The following AK4 variants were observed in gnomAD, a reference collection of about 807,000 sequenced individuals.
The protein encoded by AK4 is adenylate kinase 4, mitochondrial.
A neutral mutation model predicts 24.6 loss-of-function variants in AK4; 13 were observed. The ratio of observed to expected loss-of-function variants is 0.53; its 90% CI spans 0.34 to 0.84. The LOEUF (loss-of-function observed/expected upper bound fraction) is 0.84, where lower values mean the gene tolerates loss of function less well. Among genes scored for constraint, AK4 ranks in the 40% least tolerant of loss-of-function variants. The probability of loss-of-function intolerance (pLI) is 0.01; values close to 1 mark genes in which losing one functional copy is unlikely to be tolerated. For missense variants in AK4, 192 were observed against 288.2 expected, an observed-to-expected ratio of 0.67 and a Z score of 2.42; for synonymous variants, 88 against 107.0, an observed-to-expected ratio of 0.82 and a Z score of 1.10.
intron 1 of AK4, among the ~76,000 whole-genome samples, chr1:65,186,442 T>C (rs779998435): frequency 2.4e-4 from 36 of 152,156 alleles, no homozygotes; most frequent in Non-Finnish European, 3.5e-4. Context: ...CAACACATTT[T>C]TATGGGTCAT....
chr1:65,169,968 C>T (rs1264931162), intron 1 of AK4, among the ~76,000 whole-genome samples: 1 of 152,064 alleles, frequency 6.6e-6, no homozygotes, highest in Non-Finnish European at 1.5e-5. Flanking sequence ...TTAGTGATTA[C>T]TCTAGGGTTA....
intron 1 of AK4, among the ~76,000 whole-genome samples, chr1:65,180,451 A>G (rs1269898528): frequency 6.6e-6 from 1 of 152,222 alleles, no homozygotes; most frequent in Non-Finnish European, 1.5e-5. Flanking sequence ...ACAAATACCA[A>G]TTGAAAGGTG....
intron 1 of AK4, among the ~76,000 whole-genome samples, chr1:65,152,360 C>CTCTA (rs1277948363): frequency 1.7e-3 from 48 of 27,954 alleles, no homozygotes; most frequent in Non-Finnish European, 2.1e-3. Context: ...CTCTCTCTCT[C>CTCTA]TATATATATA....
intron 1 of AK4, among the ~76,000 whole-genome samples, chr1:65,151,926 T>C (rs1266288970): frequency 6.6e-6 from 1 of 152,010 alleles, no homozygotes; most frequent in Non-Finnish European, 1.5e-5. Flanking sequence ...ACTGCAAGAG[T>C]AAATAGAAGG....
intron 2 of AK4, among the ~76,000 whole-genome samples, chr1:65,205,778 T>C (rs1651792768): frequency 6.6e-6 from 1 of 152,262 alleles, no homozygotes; most frequent in South Asian, 2.1e-4. Context: ...TTGGATATTC[T>C]ATTGACTATT....
intron 2 of AK4, among the ~76,000 whole-genome samples, chr1:65,202,284 C>T (rs929399894): frequency 6.6e-6 from 1 of 152,200 alleles, no homozygotes; most frequent in Admixed American, 6.5e-5. Flanking sequence ...GTAGTTCCAG[C>T]TACTCAGGAG....
intron 1 of AK4, among the ~76,000 whole-genome samples, chr1:65,184,788 C>G (rs1651032808): frequency 6.6e-6 from 1 of 152,106 alleles, no homozygotes; most frequent in South Asian, 2.1e-4. Context: ...GTCATGAGGT[C>G]TTCATTCAGA....
rs138778875 is a variant in AK4 at position 65,231,659 on chromosome 1, C to T, written c.*5482C>T. On this transcript the variant is annotated 3_prime_UTR_variant, in exon 5 of 5. Transcript: ENST00000327299. ...TATTTTGTATTTAATTTAGGGAAGA[C>T]TAAAGGGAAGAAAAATGAAAACTCA... is the stretch of plus-strand genomic sequence containing the variant. 6.6e-6 allele frequency: 1 copy of T among 152,194 alleles called. No individual in the cohort carries two copies. The highest frequency in any genetic ancestry group is 6.5e-5 in the Admixed American group (1 of 15,280). 9.4% of individuals were successfully genotyped at this position (152,194 alleles called of 1,614,324 possible). A position where few individuals can be genotyped will look rare whatever the true frequency, so the allele number is the denominator to read the frequency against.
chr1:65,162,938 TTATC>T (rs1158645000), intron 1 of AK4, among the ~76,000 whole-genome samples: 2 of 152,188 alleles, frequency 1.3e-5, no homozygotes, highest in African/African-American at 2.4e-5. Flanking sequence ...TTTTCAAGGT[TTATC>T]TATATTGTAG....
chr1:65,163,797 G>T (rs1246392720), intron 1 of AK4, among the ~76,000 whole-genome samples: 1 of 152,134 alleles, frequency 6.6e-6, no homozygotes, highest in African/African-American at 2.4e-5. Context: ...AGTTTTTAAA[G>T]ATAATTTGGT....
intron 1 of AK4, among the ~76,000 whole-genome samples, chr1:65,150,050 A>C (rs1330396323): frequency 6.6e-6 from 1 of 152,090 alleles, no homozygotes; most frequent in Non-Finnish European, 1.5e-5. Flanking sequence ...TCTGTACCTG[A>C]CTAGGAGACT....
At chr1:65,156,049 C>T (rs1223319666) in intron 1 of AK4, among the ~76,000 whole-genome samples, 1 of 152,112 alleles carries the variant, frequency 6.6e-6, no homozygotes, top group Non-Finnish European at 1.5e-5. Flanking sequence ...AACAATGTGT[C>T]ATCTAGTATT....
chr1:65,181,244 T>C (rs1650895096), intron 1 of AK4, among the ~76,000 whole-genome samples: 1 of 151,736 alleles, frequency 6.6e-6, no homozygotes, highest in African/African-American at 2.4e-5. Context: ...CCTTTTTCCA[T>C]CTCTCTCCTC....
At chr1:65,188,730 A>G (rs1052803598) in intron 1 of AK4, among the ~76,000 whole-genome samples, 2 of 151,336 alleles carry the variant, frequency 1.3e-5, no homozygotes, top group African/African-American at 4.9e-5. Context: ...CACCCACCTC[A>G]GCCTCCCAAA....
At chr1:65,191,001 T>C (rs1288801650) in intron 2 of AK4, among the ~76,000 whole-genome samples, 172 bp downstream of exon 2, 1 of 152,266 alleles carries the variant, frequency 6.6e-6, no homozygotes, top group Non-Finnish European at 1.5e-5. Flanking sequence ...AAGCCTCTTA[T>C]TTCTTCTGTC....
chr1:65,197,862 CAT>C (rs1255791314), intron 2 of AK4, among the ~76,000 whole-genome samples: 1 of 152,182 alleles, frequency 6.6e-6, no homozygotes, highest in African/African-American at 2.4e-5. Flanking sequence ...CACTGGGCGA[CAT>C]ATGTCTATAG....
At chr1:65,168,575 A>G (rs898162619) in intron 1 of AK4, among the ~76,000 whole-genome samples, 11 of 152,170 alleles carry the variant, frequency 7.2e-5, no homozygotes, top group Non-Finnish European at 1.6e-4. Context: ...TATAGGCATG[A>G]GCCACCACAT....
At chr1:65,182,897 A>G (rs1204272698) in intron 1 of AK4, among the ~76,000 whole-genome samples, 3 of 152,180 alleles carry the variant, frequency 2.0e-5, no homozygotes, top group Non-Finnish European at 1.5e-5. Context: ...AAGAGCCTCT[A>G]TATCTTAATT....
chr1:65,191,628 C>T (rs1232742185), intron 2 of AK4, among the ~76,000 whole-genome samples: 1 of 151,062 alleles, frequency 6.6e-6, no homozygotes, highest in African/African-American at 2.4e-5. Context: ...AGCCTGCAAG[C>T]AGAGGTTGGC....
Sources: gnomAD v4.1 joint callset for allele counts (sites outside exome capture counted in the v4.1 genomes callset) on GRCh38, gnomAD v4.1.1 for gene constraint, MANE v1.5 for transcripts, NCBI Gene and HGNC (gene_info 2026-07-23, HGNC 2026-07-21) for gene names.